PXK: variants seen among roughly 807,000 people sequenced by gnomAD.
The protein encoded by PXK is PX domain-containing protein kinase-like protein.
A neutral mutation model predicts 84.7 loss-of-function variants in PXK; 35 were observed. The observed-to-expected ratio is 0.41, with a 90% CI of 0.32 to 0.55. PXK has a LOEUF of 0.55. PXK is among the 20% of genes least tolerant of loss of function. PXK has a pLI of 0.21. For missense variants in PXK, 634 were observed against 699.7 expected (o/e 0.91, Z 1.06); for synonymous variants, 253 against 260.8 (o/e 0.97, Z 0.29).
intron 3 of PXK, 43 bp downstream of exon 3, chr3:58,369,521 G>A (rs748128375): frequency 5.8e-6 from 9 of 1,547,930 alleles, no homozygotes; most frequent in Non-Finnish European, 7.1e-6. Context: ...GATTACTTGG[G>A]GTGTCTAAAA....
At chr3:58,352,840 C>T (rs2097960645) in intron 1 of PXK, among the ~76,000 whole-genome samples, 1 of 152,088 alleles carries the variant, frequency 6.6e-6, no homozygotes, top group South Asian at 2.1e-4. Flanking sequence ...GGCAGGAGAC[C>T]ATCCCACAGC....
rs370750451 is a variant in PXK, at chr3:58,382,563, T to C, written c.251T>C (p.Met84Thr). 3.1e-6 allele frequency: 5 copies of C among 1,602,890 alleles called. No individual in the cohort carries two copies. The highest frequency in any genetic ancestry group is 4.3e-6 in the Non-Finnish European group (5 of 1,176,372). Residue 84 changes from methionine (M) to threonine (T), a missense_variant, in exon 4 of 18, where the codon ATG becomes ACG. By Grantham distance (81) the Met-to-Thr change is moderately conservative (BLOSUM62 -1). This residue lies in a region of PXK where 353 missense variants were observed against 385.2 expected (regional missense o/e 0.92). Transcript: ENST00000356151. ...CCTCCCAAAAAATTGATTGGTAACA[T>C]GGATCGTGAATTCATAGCTGAAAGG... ...PLPPKKLIGN[M>T]DREFIAERQK...
chr3:58,412,700 G>T lies in PXK; in HGVS notation c.1466-201G>T, dbSNP rs2060379666. Among the ~76,000 whole-genome samples, 1 of 152,180 alleles carries T rather than the reference G, an allele frequency of 6.6e-6. No homozygotes were observed. Among genetic ancestry groups the T allele is most frequent in the Non-Finnish European group, 1.5e-5 (1 of 68,024 alleles). Reference sequence around the variant, plus strand: ...AGGCAAGGAGCTTTTAGTGGCTTGGGGAAGGAGGTGGACCCTGCACCAGAG... The same window carrying T: ...AGGCAAGGAGCTTTTAGTGGCTTGGTGAAGGAGGTGGACCCTGCACCAGAG... On this transcript the variant is annotated intron_variant, in intron 16 of 17. Transcript: ENST00000356151. This position sits in a 1 kb window ranked among gnomAD's most constrained non-coding sequence, Gnocchi z 6.2.
intron 1 of PXK, among the ~76,000 whole-genome samples, chr3:58,336,038 CATATAT>C (rs1168755178): frequency 4.4e-4 from 19 of 43,158 alleles, no homozygotes; most frequent in African/African-American, 1.1e-3. Context: ...CCTTGGGAAA[CATATAT>C]ATATATATAT....
In PXK at chr3:58,383,244, A is replaced by G. The variant is rs2098521450; in HGVS notation, c.388+544A>G. On this transcript the variant is annotated intron_variant, in intron 4 of 17. Coordinates refer to ENST00000356151, the MANE Select transcript of PXK (RefSeq NM_017771.5). This position sits in a 1 kb window ranked among gnomAD's most constrained non-coding sequence, Gnocchi z 4.0. ...GAGGTGGAGGTTGCAGTGAGCCGAG[A>G]TAGCACCACTGCACTCTAGCCTAGG... Among the ~76,000 whole-genome samples the G allele has an allele frequency of 6.6e-6, 1 of 152,320 alleles. No homozygotes were observed. The highest frequency in any genetic ancestry group is 2.1e-4 in the South Asian group (1 of 4,830).
rs770468520 is a variant in PXK, at chr3:58,357,684, C to A, written c.103-8190C>A. On this transcript the variant is annotated intron_variant, in intron 1 of 17. Transcript: ENST00000356151. ...CCTTGGCCAGGCGTTGTGGCTGACACCTATATGTAATCCTAGCACTTTGGG... is the reference window on the plus strand; with the variant it reads ...CCTTGGCCAGGCGTTGTGGCTGACAACTATATGTAATCCTAGCACTTTGGG... 3.0e-4 allele frequency among the ~76,000 whole-genome samples: 46 copies of A among 152,176 alleles called. 1 individual carries two copies. The highest frequency in any genetic ancestry group is 1.0e-3 in the Admixed American group (16 of 15,278).
Position 58,370,441 on chromosome 3 carries a change from G to A in PXK, c.201+963G>A, listed in dbSNP as rs1202549147. Among the ~76,000 whole-genome samples the A allele has an allele frequency of 6.6e-6, 1 of 152,148 alleles. No individual in the cohort carries two copies. On this transcript the variant is annotated intron_variant, in intron 3 of 17. Coordinates refer to ENST00000356151, the MANE Select transcript of PXK (RefSeq NM_017771.5). The surrounding 1 kb of genome is among the most constrained non-coding windows in gnomAD (Gnocchi z 4.2). ...TCTTCAAGTGCCTTGGATTACTGAA[G>A]ACTATTGTGCTCTTGTGTGTCATAC...
chr3:58,367,330 C>T (rs1015545812), intron 2 of PXK, among the ~76,000 whole-genome samples: 11 of 152,148 alleles, frequency 7.2e-5, no homozygotes, highest in South Asian at 2.1e-4. Context: ...CTGCAAACTC[C>T]GCCTCCTGGG....
intron 16 of PXK, among the ~76,000 whole-genome samples, chr3:58,410,448 A>C (rs567504962): frequency 2.0e-5 from 3 of 152,380 alleles, no homozygotes; most frequent in Admixed American, 2.0e-4. Context: ...GAAGGAAAAC[A>C]GACCTGACTT....
Position 58,399,149 on chromosome 3 carries a change from A to G in PXK, c.1103-150A>G, listed in dbSNP as rs2058176300. ...AGTGTTGCCAGCATTCCCCCACCCC[A>G]CGTATGCCATCTGTCTGTGTGTGAA... On this transcript the variant is annotated intron_variant, in intron 11 of 17. Transcript: ENST00000356151. The surrounding 1 kb of genome is among the most constrained non-coding windows in gnomAD (Gnocchi z 4.3). The G allele has an allele frequency of 1.5e-6, 1 of 685,996 alleles. No homozygotes were observed. Among genetic ancestry groups the G allele is most frequent in the African/African-American group, 1.8e-5 (1 of 56,616 alleles). The allele number at this position is 685,996 out of a possible 1,614,324, so 42.5% of individuals were successfully genotyped here.
Position 58,407,811 on chromosome 3 carries a change from C to A in PXK, c.1231-1113C>A, listed in dbSNP as rs1356377082. Among the ~76,000 whole-genome samples, 1 of 152,250 alleles carries A rather than the reference C, an allele frequency of 6.6e-6. No individual in the cohort carries two copies. Among genetic ancestry groups the A allele is most frequent in the African/African-American group, 2.4e-5 (1 of 41,458 alleles). The stretch of plus-strand genomic sequence containing the variant: ...ACCTCAAGTGATCCACCCACCTCAG[C>A]CTCCCAAAGTATTGGGATTACAGGC... On this transcript the variant is annotated intron_variant, in intron 13 of 17. Transcript: ENST00000356151. The surrounding 1 kb of genome is among the most constrained non-coding windows in gnomAD (Gnocchi z 4.3).
rs906449640 is a variant in PXK, at chr3:58,411,424, C to T, written c.1465+1265C>T. On this transcript the variant is annotated intron_variant, in intron 16 of 17. Transcript: ENST00000356151. This position sits in a 1 kb window ranked among gnomAD's most constrained non-coding sequence, Gnocchi z 4.2. ...TGGTCCCAATGAGGACCAGCGCAGG[C>T]TCCTTGGGGGTGAATGCTGTTGTGG... is the stretch of plus-strand genomic sequence containing the variant. 6.6e-6 allele frequency among the ~76,000 whole-genome samples: 1 copy of T among 152,146 alleles called. No individual in the cohort carries two copies. Among genetic ancestry groups the T allele is most frequent in the African/African-American group, 2.4e-5 (1 of 41,440 alleles).
chr3:58,409,151 C>T lies in PXK; in HGVS notation c.1308+150C>T. On this transcript the variant is annotated intron_variant, in intron 14 of 17. Transcript: ENST00000356151. The surrounding 1 kb of genome is among the most constrained non-coding windows in gnomAD (Gnocchi z 4.2). ...TTAGGCTAAATGCTTCCCTGCAGAG[C>T]TGAATACTTGACAGTCCTGCCCTCA... The T allele has an allele frequency of 1.5e-6, 1 of 652,792 alleles. No homozygotes were observed. Among genetic ancestry groups the T allele is most frequent in the Admixed American group, 2.9e-5 (1 of 34,666 alleles). The allele number at this position is 652,792 out of a possible 1,614,324, so 40.4% of individuals were successfully genotyped here.
Position 58,424,866 on chromosome 3 carries a change from G to A in PXK, c.1643G>A (p.Ser548Asn), listed in dbSNP as rs138144401. The A allele has an allele frequency of 1.2e-5, 19 of 1,614,132 alleles. No homozygotes were observed. Among genetic ancestry groups the A allele is most frequent in the Non-Finnish European group, 1.5e-5 (18 of 1,180,052 alleles). Residue 548 changes from serine to asparagine, a missense_variant, in exon 18 of 18, where the codon AGC becomes AAC. Ser to Asn is a conservative substitution (Grantham distance 46). This residue lies in a region of PXK where 273 missense variants were observed against 283.6 expected (regional missense o/e 0.96). Transcript: ENST00000356151. ...TCGTCTCAGGCTGTGAATGGCATGA[G>A]CCGAGGGGCCTTGCTCAGCTCCATC... is the stretch of plus-strand genomic sequence containing the variant. Reference protein sequence around the residue: ...QLSSQAVNGMSRGALLSSIQN... With the variant: ...QLSSQAVNGMNRGALLSSIQN...
chr3:58,351,863 G>GCTGATT (rs1426505271), intron 1 of PXK, among the ~76,000 whole-genome samples: 1 of 152,082 alleles, frequency 6.6e-6, no homozygotes, highest in Non-Finnish European at 1.5e-5. Flanking sequence ...TTCTGTGCTT[G>GCTGATT]CTGATTAGAG....
At chr3:58,388,991 T>C (rs895692476) in intron 4 of PXK, among the ~76,000 whole-genome samples, 6 of 152,078 alleles carry the variant, frequency 3.9e-5, no homozygotes, top group African/African-American at 1.2e-4. Context: ...AATGGCTTCA[T>C]TTACTCACTG....
At position 58,398,276 on chromosome 3, in the gene PXK, CT is replaced by C. The variant is rs1170528651; in HGVS notation, c.1102+555del. Among the ~76,000 whole-genome samples the C allele has an allele frequency of 6.6e-6, 1 of 152,188 alleles. No individual in the cohort carries two copies. The highest frequency in any genetic ancestry group is 1.9e-4 in the East Asian group (1 of 5,192). ...ATTAGCTGGGCGTGGAGGTGCATGC[CT>C]GTAATCCCAGCTTTTTGGGAGGCTG... On this transcript the variant is annotated intron_variant, in intron 11 of 17. Transcript: ENST00000356151. The surrounding 1 kb of genome is among the most constrained non-coding windows in gnomAD (Gnocchi z 4.5).
rs2059955718 is a variant in PXK at position 58,409,959 on chromosome 3, G to A, written c.1396-131G>A. Reference sequence around the variant, plus strand: ...CTTCTTCACTGTGTTAAGTTATGGGGCTGAATATTACCTTGTCTGCAGCTA... The same window carrying A: ...CTTCTTCACTGTGTTAAGTTATGGGACTGAATATTACCTTGTCTGCAGCTA... On this transcript the variant is annotated intron_variant, in intron 15 of 17. Transcript: ENST00000356151. The surrounding 1 kb of genome is among the most constrained non-coding windows in gnomAD (Gnocchi z 4.2). 9.3e-6 allele frequency: 6 copies of A among 647,548 alleles called. No individual in the cohort carries two copies. The East Asian group carries it at 1.6e-4, about 18-fold the overall frequency. 40.1% of individuals were successfully genotyped at this position (647,548 alleles called of 1,614,324 possible).
At chr3:58,404,479 C>T (rs1316172837) in intron 13 of PXK, among the ~76,000 whole-genome samples, 1 of 152,120 alleles carries the variant, frequency 6.6e-6, no homozygotes, top group Non-Finnish European at 1.5e-5. Flanking sequence ...ACTGTGACAA[C>T]CAAAAGTGTC....
Sources: allele counts gnomAD v4.1 joint callset (sites outside exome capture counted in the v4.1 genomes callset), GRCh38; gene constraint gnomAD v4.1.1; regional missense constraint gnomAD v4.1.1; non-coding constraint Gnocchi (gnomAD v3.1); transcripts MANE v1.5; gene names NCBI Gene and HGNC (gene_info 2026-07-23, HGNC 2026-07-21).